The following ARPC2 variants were observed in gnomAD, a reference collection of about 807,000 sequenced individuals.
The protein encoded by ARPC2 is actin-related protein 2/3 complex subunit 2.
A neutral mutation model predicts 38.6 loss-of-function variants in ARPC2; 4 were observed. The ratio of observed to expected loss-of-function variants is 0.10; its 90% confidence interval spans 0.05 to 0.24. The LOEUF is 0.24. Among genes scored for constraint, ARPC2 ranks in the 10% least tolerant of loss-of-function variants. The pLI is 1.00. For missense variants in ARPC2, 229 were observed against 387.3 expected, an observed-to-expected ratio of 0.59 and a Z score of 3.43; for synonymous variants, 125 against 140.8, an observed-to-expected ratio of 0.89 and a Z score of 0.79.
intron 5 of ARPC2, chr2:218,234,997 A>G: frequency 2.7e-6 from 1 of 374,594 alleles, no homozygotes; most frequent in South Asian, 2.0e-5. Context: ...ATTCAGTGGC[A>G]TGTCTCAAAT....
chr2:218,239,560 G>A, intron 7 of ARPC2, 76 bp downstream of exon 7: 3 of 1,216,826 alleles, frequency 2.5e-6, no homozygotes, highest in Non-Finnish European at 3.6e-6. Flanking sequence ...CATGAGCGTA[G>A]GAAAGAGATC....
intron 4 of ARPC2, 44 bp from the exon 5 acceptor site, chr2:218,234,308 C>G: frequency 1.4e-6 from 2 of 1,446,320 alleles, no homozygotes; most frequent in Non-Finnish European, 1.9e-6. Context: ...TTATCATGGC[C>G]TTTGGATTAA....
chr2:218,219,880 G>A (rs1161147537), intron 2 of ARPC2, among the ~76,000 whole-genome samples: 2 of 152,106 alleles, frequency 1.3e-5, no homozygotes, highest in Non-Finnish European at 2.9e-5. Context: ...GGTAGGCAGG[G>A]CTCTCCTGGG....
At position 218,251,148 on chromosome 2, in the gene ARPC2, C is replaced by T. The variant is rs144663967; in HGVS notation, c.878+1227C>T. Among the ~76,000 whole-genome samples the T allele has an allele frequency of 1.2e-3, 176 of 152,186 alleles. 1 individual carries two copies. The East Asian group carries it at 0.013, about 11-fold the overall frequency. On this transcript the variant is annotated intron_variant, in intron 10 of 10. Coordinates refer to ENST00000315717, the MANE Select transcript of ARPC2 (RefSeq NM_152862.3). ...TAAAAGTCTTGAGGTCATAAGCCTC[C>T]CTCACAGCCAGTGTTATTTGCCAGC...
At chr2:218,233,628 G>C (rs911737842) in intron 4 of ARPC2, 7 of 151,086 alleles carry the variant, frequency 4.6e-5, no homozygotes, top group Admixed American at 4.0e-4. Context: ...TAATTTTAAA[G>C]CATACAAGAT....
At chr2:218,233,248 G>A (rs966579376) in intron 4 of ARPC2, 3 of 152,152 alleles carry the variant, frequency 2.0e-5, no homozygotes, top group Non-Finnish European at 4.4e-5. Flanking sequence ...AGCTACTCAG[G>A]AGGCTGAGGC....
intron 7 of ARPC2, among the ~76,000 whole-genome samples, chr2:218,241,666 T>C (rs1316006655): frequency 1.3e-5 from 2 of 152,276 alleles, no homozygotes; most frequent in African/African-American, 4.8e-5. Flanking sequence ...CGGAGATTTG[T>C]TCCTTAGGAG....
chr2:218,217,336 C>T (rs894632777), intron 1 of ARPC2, 82 bp downstream of exon 1: 10 of 765,750 alleles, frequency 1.3e-5, no homozygotes, highest in African/African-American at 8.7e-5. Flanking sequence ...ACCCCGGCCC[C>T]TCTCCCCTTC....
intron 1 of ARPC2, 92 bp from the exon 2 acceptor site, chr2:218,217,371 G>C: frequency 1.9e-6 from 2 of 1,030,488 alleles, no homozygotes; most frequent in Non-Finnish European, 3.0e-6. Flanking sequence ...ACCCCACCCA[G>C]CCCCACTCAG....
intron 2 of ARPC2, among the ~76,000 whole-genome samples, chr2:218,222,680 T>A (rs1409910686): frequency 6.6e-6 from 1 of 152,190 alleles, no homozygotes; most frequent in Non-Finnish European, 1.5e-5. Flanking sequence ...CAGAGTCCGA[T>A]CTCTGACTCC....
At chr2:218,245,305 C>T (rs1690005239) in intron 7 of ARPC2, 115 bp from the exon 8 acceptor site, 2 of 1,329,822 alleles carry the variant, frequency 1.5e-6, no homozygotes, top group South Asian at 2.7e-5. Context: ...TTTTTAACCT[C>T]CTGCTGGTCT....
chr2:218,249,571 T>A (rs1263198278), intron 9 of ARPC2, 107 bp downstream of exon 9: 2 of 920,884 alleles, frequency 2.2e-6, no homozygotes, highest in African/African-American at 3.3e-5. Flanking sequence ...TATTGACTCT[T>A]AGGTAAATAA....
intron 9 of ARPC2, 156 bp from the exon 10 acceptor site, chr2:218,249,665 T>A: frequency 1.3e-6 from 1 of 796,378 alleles, no homozygotes; most frequent in Non-Finnish European, 2.0e-6. Flanking sequence ...GAATATTTGT[T>A]TCCAGAATTG....
chr2:218,243,005 G>A (rs886898054), intron 7 of ARPC2, among the ~76,000 whole-genome samples: 1 of 152,072 alleles, frequency 6.6e-6, no homozygotes, highest in Non-Finnish European at 1.5e-5. Context: ...TCTAGATTTT[G>A]AGTTATAGGT....
chr2:218,223,597 A>G (rs764806605), intron 2 of ARPC2, among the ~76,000 whole-genome samples: 5 of 152,208 alleles, frequency 3.3e-5, no homozygotes, highest in Admixed American at 6.5e-5. Context: ...TGCTGGACAT[A>G]TATCATCTCA....
chr2:218,218,296 C>A (rs966999044), intron 2 of ARPC2, among the ~76,000 whole-genome samples: 1 of 152,200 alleles, frequency 6.6e-6, no homozygotes, highest in Non-Finnish European at 1.5e-5. Context: ...TCTGTGATTT[C>A]TTCTGTGGTA....
chr2:218,246,461 C>T (rs144722000), intron 8 of ARPC2, among the ~76,000 whole-genome samples: 4,743 of 151,888 alleles, frequency 0.031, 80 homozygotes, highest in African/African-American at 0.034. Context: ...ACCCAGGAGG[C>T]GGAGGTTGCA....
intron 8 of ARPC2, among the ~76,000 whole-genome samples, chr2:218,247,823 G>C (rs1677866698): frequency 6.6e-6 from 1 of 152,028 alleles, no homozygotes; most frequent in Non-Finnish European, 1.5e-5. Flanking sequence ...GGTGCCTGTA[G>C]TCCCAGCTAC....
chr2:218,234,434 G>C (rs762091415), intron 5 of ARPC2, 37 bp downstream of exon 5: 51 of 1,477,078 alleles, frequency 3.5e-5, no homozygotes, highest in Non-Finnish European at 4.4e-5. Context: ...AATGACATGG[G>C]AAGAGAGGTG....
Sources: allele counts gnomAD v4.1 joint callset (sites outside exome capture counted in the v4.1 genomes callset), GRCh38; gene constraint gnomAD v4.1.1; transcripts MANE v1.5; gene names NCBI Gene and HGNC (gene_info 2026-07-23, HGNC 2026-07-21).